The following ADAMTSL1 variants were observed in gnomAD, a reference collection of about 807,000 sequenced individuals.
ADAMTSL1 encodes ADAMTS like 1.
Under a neutral mutation model 201.8 loss-of-function variants are expected in ADAMTSL1, and 126 were observed. That is an observed-to-expected ratio of 0.62 (90% CI 0.54 to 0.72). The LOEUF is 0.72. Among genes scored for constraint, ADAMTSL1 ranks in the 30% least tolerant of loss-of-function variants. The pLI, the probability that ADAMTSL1 is intolerant of heterozygous loss-of-function variation, is 0.00. For synonymous variants in ADAMTSL1, 1,121 were observed against 903.4 expected (o/e 1.24, Z -4.32); for missense variants, 2,679 against 2,277.8 (o/e 1.18, Z -3.59).
chr9:18,013,038 C>G (rs1239993716), intron 1 of ADAMTSL1, among the ~76,000 whole-genome samples: 1 of 150,140 alleles, frequency 6.7e-6, no homozygotes, highest in East Asian at 2.0e-4. Context: ...TTTTCCTTTT[C>G]TTATCTCCAT....
At chr9:18,739,134 G>A (rs1818679056) in intron 15 of ADAMTSL1, among the ~76,000 whole-genome samples, 1 of 152,178 alleles carries the variant, frequency 6.6e-6, no homozygotes, top group African/African-American at 2.4e-5. Context: ...ATTAGTACAT[G>A]TGAAGTTCTT....
chr9:18,685,899 A>G (rs1830801498), intron 13 of ADAMTSL1, among the ~76,000 whole-genome samples: 1 of 151,922 alleles, frequency 6.6e-6, no homozygotes, highest in Admixed American at 6.6e-5. Context: ...AAGGATGCAC[A>G]CATTAGAAAA....
chr9:18,791,135 T>C (rs1170560200), intron 19 of ADAMTSL1, among the ~76,000 whole-genome samples: 1 of 152,144 alleles, frequency 6.6e-6, no homozygotes, highest in Non-Finnish European at 1.5e-5. Flanking sequence ...AAAGAAAATG[T>C]TTTTTTCCAG....
At chr9:18,520,715 A>G (rs921833946) in intron 2 of ADAMTSL1, among the ~76,000 whole-genome samples, 11 of 152,228 alleles carry the variant, frequency 7.2e-5, no homozygotes, top group African/African-American at 2.4e-4. Flanking sequence ...GCCTGGCAGC[A>G]TGCCACCTTG....
At chr9:18,152,271 C>T (rs1012821696) in intron 1 of ADAMTSL1, among the ~76,000 whole-genome samples, 6 of 151,776 alleles carry the variant, frequency 4.0e-5, no homozygotes, top group African/African-American at 1.2e-4. Context: ...TTGGAGGATG[C>T]GTAGAAACAG....
At chr9:18,029,574 G>T (rs2131601811) in intron 1 of ADAMTSL1, among the ~76,000 whole-genome samples, 1 of 152,198 alleles carries the variant, frequency 6.6e-6, no homozygotes, top group South Asian at 2.1e-4. Flanking sequence ...AAGAGCTTCT[G>T]CACAGCAAAA....
chr9:18,007,685 A>G (rs553017538), intron 1 of ADAMTSL1, among the ~76,000 whole-genome samples: 6 of 152,082 alleles, frequency 3.9e-5, no homozygotes, highest in African/African-American at 1.4e-4. Context: ...GAAGCCTTCA[A>G]CACATTCACA....
chr9:18,848,195 G>T (rs961629322), intron 23 of ADAMTSL1, among the ~76,000 whole-genome samples: 5 of 152,164 alleles, frequency 3.3e-5, no homozygotes, highest in Admixed American at 3.3e-4. Flanking sequence ...TTGCACAGTA[G>T]AGTCAGCTGG....
At chr9:18,777,943 C>A in intron 19 of ADAMTSL1, 37 bp downstream of exon 19, 1 of 1,516,416 alleles carries the variant, frequency 6.6e-7, no homozygotes. Flanking sequence ...GGGAGGGAGG[C>A]AAGGGGCCAC....
chr9:18,383,789 G>A (rs1339221305), intron 2 of ADAMTSL1, among the ~76,000 whole-genome samples: 1 of 152,180 alleles, frequency 6.6e-6, no homozygotes, highest in Non-Finnish European at 1.5e-5. Context: ...ACGAGGCCAA[G>A]CTCAGGTATG....
chr9:18,563,955 G>A (rs891749554), intron 3 of ADAMTSL1, among the ~76,000 whole-genome samples: 5 of 152,172 alleles, frequency 3.3e-5, no homozygotes, highest in African/African-American at 9.7e-5. Flanking sequence ...GACTCCATGG[G>A]GGTGGCATCC....
intron 7 of ADAMTSL1, among the ~76,000 whole-genome samples, chr9:18,651,911 T>C (rs1828293559): frequency 1.0e-5 from 1 of 100,224 alleles, no homozygotes; most frequent in South Asian, 2.5e-4. Context: ...TTTATAAAAT[T>C]ATATATATAT....
At chr9:18,624,921 G>A (rs1199348614) in intron 5 of ADAMTSL1, among the ~76,000 whole-genome samples, 1 of 152,198 alleles carries the variant, frequency 6.6e-6, no homozygotes, top group East Asian at 1.9e-4. Flanking sequence ...CACTGATGAT[G>A]TCTCATGACA....
intron 1 of ADAMTSL1, among the ~76,000 whole-genome samples, chr9:18,085,747 G>A (rs113690678): frequency 0.046 from 6,989 of 150,398 alleles, 244 homozygotes; most frequent in African/African-American, 0.088. Context: ...ATATATACGT[G>A]TATACATATA....
intron 3 of ADAMTSL1, among the ~76,000 whole-genome samples, chr9:18,567,143 C>T (rs1351178818): frequency 3.9e-5 from 6 of 152,082 alleles, no homozygotes; most frequent in East Asian, 1.9e-4. Flanking sequence ...TTTTGATGTA[C>T]GTTTAAGTTT....
chr9:18,576,558 T>G (rs10119114), intron 4 of ADAMTSL1, among the ~76,000 whole-genome samples: 14,815 of 152,242 alleles, frequency 0.097, 2,052 homozygotes, highest in African/African-American at 0.31. Flanking sequence ...CACAGAGTCC[T>G]GGACTTTTTA....
chr9:18,128,348 G>A (rs916717496), intron 1 of ADAMTSL1, among the ~76,000 whole-genome samples: 1 of 152,116 alleles, frequency 6.6e-6, no homozygotes, highest in Non-Finnish European at 1.5e-5. Flanking sequence ...GATAGAAACA[G>A]CTTGAAGTTG....
chr9:18,565,777 A>C (rs549898423), intron 3 of ADAMTSL1, among the ~76,000 whole-genome samples: 1 of 152,302 alleles, frequency 6.6e-6, no homozygotes, highest in African/African-American at 2.4e-5. Flanking sequence ...GGCAGCAACT[A>C]TGTCTGTTTA....
At chr9:18,499,764 C>T (rs1200056691) in intron 1 of ADAMTSL1, among the ~76,000 whole-genome samples, 2 of 152,118 alleles carry the variant, frequency 1.3e-5, no homozygotes, top group African/African-American at 4.8e-5. Context: ...CTCTCATAGC[C>T]CATTTTGTTA....
Sources: gnomAD v4.1 joint callset for allele counts (sites outside exome capture counted in the v4.1 genomes callset) on GRCh38, gnomAD v4.1.1 for gene constraint, MANE v1.5 for transcripts, NCBI Gene and HGNC (gene_info 2026-07-23, HGNC 2026-07-21) for gene names.